Variants in BTBD9 observed in about 807,000 individuals in gnomAD.
BTBD9 encodes BTB/POZ domain-containing protein 9.
BTBD9 carries 49 observed loss-of-function variants against 64.3 expected under a neutral mutation model. The ratio of observed to expected loss-of-function variants is 0.76; its 90% CI spans 0.61 to 0.97. The LOEUF (loss-of-function observed/expected upper bound fraction) is 0.97, where lower values mean the gene tolerates loss of function less well. Ranked by LOEUF, BTBD9 falls within the 50% of genes least tolerant of loss-of-function variation. The pLI is 0.00. For synonymous variants in BTBD9, 260 were observed against 274.7 expected (o/e 0.95, Z 0.53); for missense variants, 598 against 762.1 (o/e 0.78, Z 2.53).
At chr6:38,220,612 A>G (rs1763168719) in intron 9 of BTBD9, among the ~76,000 whole-genome samples, 1 of 152,256 alleles carries the variant, frequency 6.6e-6, no homozygotes, top group African/African-American at 2.4e-5. Flanking sequence ...TTAAAATGTG[A>G]TTTAATGATG....
chr6:38,624,118 A>C (rs1213998472), intron 1 of BTBD9, among the ~76,000 whole-genome samples: 1 of 152,160 alleles, frequency 6.6e-6, no homozygotes. Flanking sequence ...TGTAAAACGC[A>C]CCAATCAGCA....
intron 8 of BTBD9, among the ~76,000 whole-genome samples, chr6:38,282,528 C>A (rs559608996): frequency 6.6e-6 from 1 of 152,232 alleles, no homozygotes; most frequent in African/African-American, 2.4e-5. Context: ...CCATCCCTGC[C>A]CCTCCTCTGC....
chr6:38,620,428 G>A (rs561160648), intron 1 of BTBD9, among the ~76,000 whole-genome samples: 12 of 152,256 alleles, frequency 7.9e-5, no homozygotes, highest in Admixed American at 6.5e-4. Context: ...TTACATGGAC[G>A]GTTTTGCCTC....
intron 9 of BTBD9, among the ~76,000 whole-genome samples, chr6:38,199,023 G>A (rs1171309098): frequency 6.6e-6 from 1 of 152,144 alleles, no homozygotes; most frequent in Non-Finnish European, 1.5e-5. Context: ...AGGAAGACTG[G>A]TTGAAAGAAG....
At chr6:38,487,328 C>G (rs901448426) in intron 6 of BTBD9, among the ~76,000 whole-genome samples, 7 of 152,118 alleles carry the variant, frequency 4.6e-5, no homozygotes, top group African/African-American at 1.7e-4. Flanking sequence ...TGCCTGTAAT[C>G]CCAGCACTTT....
intron 1 of BTBD9, among the ~76,000 whole-genome samples, chr6:38,628,526 A>C (rs1294724913): frequency 6.6e-6 from 1 of 152,174 alleles, no homozygotes; most frequent in African/African-American, 2.4e-5. Context: ...TGTTGAACAA[A>C]GGCGTTACAA....
At chr6:38,273,896 T>C (rs549035180) in intron 8 of BTBD9, among the ~76,000 whole-genome samples, 1 of 152,348 alleles carries the variant, frequency 6.6e-6, no homozygotes, top group East Asian at 1.9e-4. Flanking sequence ...TTCTAGGTTG[T>C]AGTGGTCCTG....
intron 10 of BTBD9, among the ~76,000 whole-genome samples, chr6:38,191,970 GAGAA>G (rs1210386749): frequency 1.2e-4 from 18 of 152,346 alleles, no homozygotes; most frequent in African/African-American, 4.3e-4. Context: ...GCATAAATCT[GAGAA>G]AGATCACAGA....
intron 6 of BTBD9, among the ~76,000 whole-genome samples, chr6:38,490,641 C>T (rs531530757): frequency 3.3e-5 from 5 of 152,232 alleles, no homozygotes; most frequent in African/African-American, 9.6e-5. Flanking sequence ...TTCTAATGCT[C>T]ATTCTTATTT....
At chr6:38,251,060 C>T (rs1029689795) in intron 9 of BTBD9, among the ~76,000 whole-genome samples, 6 of 146,320 alleles carry the variant, frequency 4.1e-5, no homozygotes, top group African/African-American at 1.0e-4. Context: ...CTAGCCTGGG[C>T]GACAGAGAGA....
At chr6:38,421,985 G>A (rs1478882115) in intron 6 of BTBD9, among the ~76,000 whole-genome samples, 1 of 152,164 alleles carries the variant, frequency 6.6e-6, no homozygotes, top group Non-Finnish European at 1.5e-5. Flanking sequence ...AAGGGATTTA[G>A]GATAACTAAT....
intron 8 of BTBD9, among the ~76,000 whole-genome samples, chr6:38,258,111 G>A (rs750912364): frequency 1.1e-4 from 16 of 151,704 alleles, no homozygotes; most frequent in East Asian, 1.9e-4. Context: ...TCACCCTCCC[G>A]AGTAGCTGGG....
intron 4 of BTBD9, among the ~76,000 whole-genome samples, chr6:38,582,824 ATACACTACAGATAAAAAT>A (rs1210086534): frequency 6.6e-6 from 1 of 152,204 alleles, no homozygotes; most frequent in Non-Finnish European, 1.5e-5. Context: ...ACTGTAAAAA[ATACACTACAGATAAAAAT>A]TACACTACAG....
intron 6 of BTBD9, among the ~76,000 whole-genome samples, chr6:38,480,293 T>G (rs1463582525): frequency 6.6e-6 from 1 of 152,196 alleles, no homozygotes; most frequent in Non-Finnish European, 1.5e-5. Context: ...AGGGCTCTTG[T>G]GGGCTGAGAG....
intron 6 of BTBD9, among the ~76,000 whole-genome samples, chr6:38,514,136 T>G (rs1772905280): frequency 6.6e-6 from 1 of 152,152 alleles, no homozygotes; most frequent in South Asian, 2.1e-4. Context: ...GAATGCCAAT[T>G]AAAATGGCTG....
intron 6 of BTBD9, among the ~76,000 whole-genome samples, chr6:38,375,936 AAAGAAG>A (rs1765672344): frequency 2.0e-5 from 2 of 99,654 alleles, no homozygotes; most frequent in East Asian, 8.4e-4. Context: ...AGAAAGAAAG[AAAGAAG>A]GAAAGAAGGA....
At chr6:38,182,515 C>T (rs1761604838) in intron 10 of BTBD9, among the ~76,000 whole-genome samples, 1 of 152,228 alleles carries the variant, frequency 6.6e-6, no homozygotes, top group Non-Finnish European at 1.5e-5. Context: ...CCAGGGCCCC[C>T]TTCCCACACC....
chr6:38,210,081 A>AG (rs1561876371), intron 9 of BTBD9, among the ~76,000 whole-genome samples: 1 of 151,742 alleles, frequency 6.6e-6, no homozygotes, highest in Non-Finnish European at 1.5e-5. Context: ...AGACAGGGGA[A>AG]GGGGGTGTTT....
At chr6:38,478,878 T>C (rs1449681250) in intron 6 of BTBD9, among the ~76,000 whole-genome samples, 1 of 152,202 alleles carries the variant, frequency 6.6e-6, no homozygotes, top group African/African-American at 2.4e-5. Context: ...ACTTTTATCA[T>C]ATATAAAACC....
Sources: allele counts gnomAD v4.1 joint callset (sites outside exome capture counted in the v4.1 genomes callset), GRCh38; gene constraint gnomAD v4.1.1; transcripts MANE v1.5; gene names NCBI Gene and HGNC (gene_info 2026-07-23, HGNC 2026-07-21).